The following SEC22C variants were observed in gnomAD, a reference collection of about 807,000 sequenced individuals.
SEC22C encodes SEC22 homolog C, vesicle trafficking protein.
Under a neutral mutation model 34.7 loss-of-function variants are expected in SEC22C, and 29 were observed. The observed-to-expected ratio is 0.84, with a 90% CI of 0.62 to 1.14. SEC22C has a LOEUF of 1.14. SEC22C is among the 50% of genes most tolerant of loss of function. The probability of loss-of-function intolerance (pLI) is 0.00; values close to 1 mark genes in which losing one functional copy is unlikely to be tolerated. For synonymous variants in SEC22C, 117 were observed against 132.8 expected, an observed-to-expected ratio of 0.88 and a Z score of 0.82; for missense variants, 337 against 369.0, an observed-to-expected ratio of 0.91 and a Z score of 0.71.
In SEC22C at chr3:42,550,354, G is replaced by A. The variant is rs545392357; in HGVS notation, c.*2894C>T. 5.1e-5 allele frequency: 50 copies of A among 985,464 alleles called. No individual in the cohort carries two copies. Among genetic ancestry groups the A allele is most frequent in the Middle Eastern group, 5.2e-4 (1 of 1,914 alleles). 61.0% of individuals were successfully genotyped at this position (985,464 alleles called of 1,614,324 possible). On this transcript the variant is annotated 3_prime_UTR_variant, in exon 7 of 7. Transcript: ENST00000264454. ...AACAACAGTGAGTCCATGGTGGAGT[G>A]AGGATAACTCCTGGGATTTGGAACC... is the stretch of plus-strand genomic sequence containing the variant.
chr3:42,550,378 C>T lies in SEC22C; in HGVS notation c.*2870G>A, dbSNP rs1183025299. The T allele has an allele frequency of 1.0e-6, 1 of 985,336 alleles. No individual in the cohort carries two copies. Among genetic ancestry groups the T allele is most frequent in the Admixed American group, 6.1e-5 (1 of 16,272 alleles). The allele number at this position is 985,336 out of a possible 1,614,324, so 61.0% of individuals were successfully genotyped here. A position where few individuals can be genotyped will look rare whatever the true frequency, so the allele number is the denominator to read the frequency against. ...TGAGGATAACTCCTGGGATTTGGAACCAGTTTGCTGGTATCAAGGATCACA... is the reference window on the plus strand; with the variant it reads ...TGAGGATAACTCCTGGGATTTGGAATCAGTTTGCTGGTATCAAGGATCACA... On this transcript the variant is annotated 3_prime_UTR_variant, in exon 7 of 7. Transcript: ENST00000264454.
intron 4 of SEC22C, among the ~76,000 whole-genome samples, chr3:42,558,823 C>T (rs1702704032): frequency 6.6e-6 from 1 of 151,970 alleles, no homozygotes; most frequent in Non-Finnish European, 1.5e-5. Flanking sequence ...GTAAATAAAA[C>T]AGTTTCTTAT....
chr3:42,550,958 T>G lies in SEC22C; in HGVS notation c.*2290A>C. ...ATCTCGGCTCACTGCAACCTCCACCTCCCGGGTTCAAGAGATTCTCCTGCC... is the reference window on the plus strand; with the variant it reads ...ATCTCGGCTCACTGCAACCTCCACCGCCCGGGTTCAAGAGATTCTCCTGCC... On this transcript the variant is annotated 3_prime_UTR_variant, in exon 7 of 7. Transcript: ENST00000264454. The G allele has an allele frequency of 1.3e-6, 1 of 774,020 alleles. No homozygotes were observed. 47.9% of individuals were successfully genotyped at this position (774,020 alleles called of 1,614,324 possible).
At chr3:42,582,199 G>A (rs1168198097), upstream of SEC22C, 2 of 152,240 alleles carry the variant, frequency 1.3e-5, no homozygotes, top group Admixed American at 6.5e-5. Flanking sequence ...TCACCGCGGC[G>A]GTTTGAGATC....
intron 1 of SEC22C, chr3:42,600,709 G>T (rs996588461): frequency 7.7e-6 from 2 of 260,626 alleles, no homozygotes; most frequent in Non-Finnish European, 1.5e-5. Flanking sequence ...TAGCGGCGTT[G>T]GGGTTTGGCT....
chr3:42,548,408 C>T lies in SEC22C; in HGVS notation c.*4840G>A. The T allele has an allele frequency of 1.7e-6, 1 of 603,724 alleles. No homozygotes were observed. 37.4% of individuals were successfully genotyped at this position (603,724 alleles called of 1,614,324 possible). ...GAATAGAATGGATTTGTTAATTTTA[C>T]CCTAAATAAAAGGCGCTTGTGGGCA... On this transcript the variant is annotated 3_prime_UTR_variant, in exon 7 of 7. Transcript: ENST00000264454.
At chr3:42,570,153 A>T (rs1011527401) in intron 1 of SEC22C, among the ~76,000 whole-genome samples, 5 of 152,150 alleles carry the variant, frequency 3.3e-5, no homozygotes, top group African/African-American at 1.2e-4. Flanking sequence ...CTTATTTGGC[A>T]TCTCAGTTCT....
chr3:42,589,058 T>C lies in SEC22C; in HGVS notation c.-28+11902A>G, dbSNP rs546383645. Among the ~76,000 whole-genome samples the C allele has an allele frequency of 4.0e-5, 6 of 150,404 alleles. No homozygotes were observed. The East Asian group carries it at 1.2e-3, about 29-fold the overall frequency. ...AGCGGGCGGATCACGAGGTCAGGAG[T>C]TCAAGACTAGCCTGACCAATATGGT... On this transcript the variant is annotated intron_variant, in intron 1 of 6. Coordinates refer to the SEC22C transcript ENST00000417572.
At chr3:42,558,947 G>A (rs1024448590) in intron 4 of SEC22C, among the ~76,000 whole-genome samples, 4 of 152,108 alleles carry the variant, frequency 2.6e-5, no homozygotes, top group Middle Eastern at 3.2e-3. Flanking sequence ...AACAATATGC[G>A]ATGTCACGTG....
intron 1 of SEC22C, chr3:42,579,461 G>T (rs2125726933): frequency 6.7e-6 from 1 of 149,066 alleles, no homozygotes; most frequent in East Asian, 2.0e-4. Flanking sequence ...AAAAAGCCAG[G>T]CATGGTGGCA....
intron 1 of SEC22C, chr3:42,600,708 T>G: frequency 1.2e-5 from 3 of 253,298 alleles, no homozygotes; most frequent in Non-Finnish European, 7.5e-6. Flanking sequence ...TTAGCGGCGT[T>G]GGGGTTTGGC....
intron 1 of SEC22C, among the ~76,000 whole-genome samples, chr3:42,595,874 A>T (rs1274399714): frequency 2.0e-5 from 3 of 152,222 alleles, no homozygotes; most frequent in Non-Finnish European, 4.4e-5. Flanking sequence ...TAAAGTGAGG[A>T]TAATGAAAAT....
Position 42,548,779 on chromosome 3 carries a change from T to C in SEC22C, c.*4469A>G. ...AGTGAAAAAAATGAGGTTTACACTG[T>C]AGTATAACAAAATGCCTTTTTGTAA... On this transcript the variant is annotated 3_prime_UTR_variant, in exon 7 of 7. Coordinates refer to ENST00000264454, the MANE Select transcript of SEC22C (RefSeq NM_032970.4). The C allele has an allele frequency of 6.5e-7, 1 of 1,528,188 alleles. No individual in the cohort carries two copies. Among genetic ancestry groups the C allele is most frequent in the Admixed American group, 2.1e-5 (1 of 47,796 alleles). The allele number at this position is 1,528,188 out of a possible 1,614,324, so 94.7% of individuals were successfully genotyped here.
At chr3:42,595,586 G>A (rs980193142) in intron 1 of SEC22C, among the ~76,000 whole-genome samples, 3 of 152,138 alleles carry the variant, frequency 2.0e-5, no homozygotes, top group African/African-American at 4.8e-5. Context: ...TAATTCATTA[G>A]GGATTACATA....
chr3:42,590,892 C>T (rs750451000), intron 1 of SEC22C: 9 of 1,538,326 alleles, frequency 5.9e-6, no homozygotes, highest in Non-Finnish European at 7.1e-6. Context: ...CCGGAGGTTC[C>T]TCGGGATGTC....
At chr3:42,558,482 T>A (rs532596084) in intron 4 of SEC22C, among the ~76,000 whole-genome samples, 1 of 111,460 alleles carries the variant, frequency 9.0e-6, no homozygotes, top group Non-Finnish European at 1.7e-5. Context: ...AGCGACCTTG[T>A]CTCAAAAAAA....
intron 1 of SEC22C, among the ~76,000 whole-genome samples, chr3:42,593,743 G>C (rs1704939163): frequency 6.6e-6 from 1 of 152,314 alleles, no homozygotes; most frequent in African/African-American, 2.4e-5. Context: ...TAAGAATAAA[G>C]CAGAGTAAGT....
chr3:42,577,770 G>A (rs1704058715), intron 1 of SEC22C, among the ~76,000 whole-genome samples: 1 of 152,106 alleles, frequency 6.6e-6, no homozygotes, highest in Admixed American at 6.5e-5. Context: ...AAGGGTTCGA[G>A]ACCAGCCTGG....
At chr3:42,568,138 G>A (rs1703371735) in intron 2 of SEC22C, among the ~76,000 whole-genome samples, 1 of 151,484 alleles carries the variant, frequency 6.6e-6, no homozygotes, top group South Asian at 2.1e-4. Context: ...AAATTAAAAA[G>A]CAAAGGTATA....
Sources: gnomAD v4.1 joint callset for allele counts (sites outside exome capture counted in the v4.1 genomes callset) on GRCh38, gnomAD v4.1.1 for gene constraint, MANE v1.5 for transcripts, NCBI Gene and HGNC (gene_info 2026-07-23, HGNC 2026-07-21) for gene names.